Variants in AKAP12 observed in about 807,000 individuals in gnomAD.
The protein encoded by AKAP12 is A-kinase anchoring protein 12.
AKAP12 carries 32 observed loss-of-function variants against 79.9 expected under a neutral mutation model. The ratio of observed to expected loss-of-function variants is 0.40; its 90% CI spans 0.30 to 0.54. The LOEUF (loss-of-function observed/expected upper bound fraction) is 0.54, where lower values mean the gene tolerates loss of function less well. AKAP12 is among the 20% of genes least tolerant of loss of function. AKAP12 has a pLI of 0.48. For missense variants in AKAP12, 2,074 were observed against 2,177.0 expected (o/e 0.95, Z 0.94); for synonymous variants, 808 against 857.0 (o/e 0.94, Z 1.00).
chr6:151,268,011 C>G (rs1328054403), intron 2 of AKAP12, among the ~76,000 whole-genome samples: 1 of 152,192 alleles, frequency 6.6e-6, no homozygotes, highest in Non-Finnish European at 1.5e-5. Context: ...TGAGTGTCAC[C>G]TTCCTACCTG....
chr6:151,304,419 C>A (rs9371211), intron 2 of AKAP12, among the ~76,000 whole-genome samples: 3 of 137,822 alleles, frequency 2.2e-5, no homozygotes, highest in Non-Finnish European at 4.6e-5. Context: ...AACCTGGGAA[C>A]TGGAGGTTGC....
chr6:151,337,305 G>C (rs986360951), intron 3 of AKAP12, among the ~76,000 whole-genome samples: 2 of 151,432 alleles, frequency 1.3e-5, no homozygotes, highest in African/African-American at 4.9e-5. Context: ...AGGAGTTCGA[G>C]ACCAGTCTCT....
At chr6:151,335,659 C>T (rs891759980) in intron 3 of AKAP12, among the ~76,000 whole-genome samples, 7 of 152,004 alleles carry the variant, frequency 4.6e-5, no homozygotes, top group African/African-American at 1.2e-4. Flanking sequence ...TTAGTAGAGA[C>T]GGGGTTTGAC....
Position 151,349,826 on chromosome 6 carries a change from G to A in AKAP12, c.1435G>A (p.Gly479Arg). Residue 479 changes from glycine (G) to arginine (R), a missense_variant, in exon 4 of 5, where the codon GGA becomes AGA. Transcript: ENST00000402676. Reference sequence around the variant, plus strand: ...TGTTTCCGGAGAGGACCCTACACAGGGAGCTGACCTCAGTCCTGATGAGAA... The same window carrying A: ...TGTTTCCGGAGAGGACCCTACACAGAGAGCTGACCTCAGTCCTGATGAGAA... Reference protein sequence around the residue: ...TCVSGEDPTQGADLSPDEKVL... With the variant: ...TCVSGEDPTQRADLSPDEKVL... The A allele has an allele frequency of 6.2e-7, 1 of 1,614,150 alleles. No homozygotes were observed. The highest frequency in any genetic ancestry group is 8.5e-7 in the Non-Finnish European group (1 of 1,180,028).
intron 3 of AKAP12, among the ~76,000 whole-genome samples, chr6:151,345,303 C>A (rs941077990): frequency 6.4e-4 from 96 of 151,158 alleles, no homozygotes; most frequent in African/African-American, 2.3e-3. Context: ...TCTCGATCTC[C>A]TGACCTTGTG....
At chr6:151,314,938 G>C (rs1777201929) in intron 3 of AKAP12, among the ~76,000 whole-genome samples, 1 of 151,900 alleles carries the variant, frequency 6.6e-6, no homozygotes, top group African/African-American at 2.4e-5. Flanking sequence ...TGTAGTCCCA[G>C]CTATTCGGGA....
intron 3 of AKAP12, among the ~76,000 whole-genome samples, chr6:151,309,651 G>A (rs180978199): frequency 6.6e-6 from 1 of 152,268 alleles, no homozygotes; most frequent in Admixed American, 6.5e-5. Flanking sequence ...AAACTCTACA[G>A]CAGGGTCTGA....
intron 2 of AKAP12, among the ~76,000 whole-genome samples, chr6:151,278,303 C>T (rs1196493066): frequency 6.6e-6 from 1 of 152,130 alleles, no homozygotes; most frequent in Admixed American, 6.5e-5. Context: ...GCAGGCTTCG[C>T]CTCCTGGGTT....
rs190789138 is a variant in AKAP12 at position 151,265,108 on chromosome 6, G to A, written c.162+24384G>A. Among the ~76,000 whole-genome samples the A allele has an allele frequency of 3.6e-3, 546 of 150,082 alleles. 1 individual carries two copies. Among genetic ancestry groups the A allele is most frequent in the Non-Finnish European group, 4.6e-3 (314 of 67,824 alleles). On this transcript the variant is annotated intron_variant, in intron 2 of 4. Transcript: ENST00000402676. ...GGAGGTTGCAGTGAGCCAAGATCAC[G>A]CCATTGCACTCCAGCCTGGGCAACA...
intron 2 of AKAP12, among the ~76,000 whole-genome samples, chr6:151,256,763 C>A (rs551013037): frequency 2.0e-5 from 3 of 151,980 alleles, no homozygotes; most frequent in African/African-American, 7.2e-5. Flanking sequence ...GATTCTCCTG[C>A]CTCATCCTTT....
At chr6:151,253,333 C>T (rs900860472) in intron 2 of AKAP12, among the ~76,000 whole-genome samples, 1 of 152,000 alleles carries the variant, frequency 6.6e-6, no homozygotes, top group East Asian at 1.9e-4. Flanking sequence ...TAGAAACTTT[C>T]GTTTGAAATT....
At chr6:151,280,240 C>T (rs1283489200) in intron 2 of AKAP12, among the ~76,000 whole-genome samples, 1 of 151,864 alleles carries the variant, frequency 6.6e-6, no homozygotes, top group Non-Finnish European at 1.5e-5. Context: ...TTCTGATGAT[C>T]TCCTATTACA....
intron 2 of AKAP12, among the ~76,000 whole-genome samples, chr6:151,303,044 T>G (rs1203693376): frequency 6.6e-6 from 1 of 151,858 alleles, no homozygotes; most frequent in African/African-American, 2.4e-5. Flanking sequence ...AATACAAAAA[T>G]TAGCTGGGCG....
chr6:151,312,588 C>G (rs1021214154), intron 3 of AKAP12, among the ~76,000 whole-genome samples: 4 of 151,992 alleles, frequency 2.6e-5, no homozygotes, highest in East Asian at 1.9e-4. Context: ...TCAGGAGATC[C>G]AGACCATCCA....
At chr6:151,305,978 T>G in intron 3 of AKAP12, 75 bp downstream of exon 3, 1 of 1,450,324 alleles carries the variant, frequency 6.9e-7, no homozygotes, top group South Asian at 1.3e-5. Context: ...AAATACTCTG[T>G]CATACTGCCT....
chr6:151,251,112 G>T (rs1797165319), intron 2 of AKAP12, among the ~76,000 whole-genome samples: 1 of 152,156 alleles, frequency 6.6e-6, no homozygotes, highest in African/African-American at 2.4e-5. Context: ...GAATTTTTGG[G>T]AAAGTGTTCT....
chr6:151,282,429 A>T (rs1776428251), intron 2 of AKAP12, among the ~76,000 whole-genome samples: 1 of 151,906 alleles, frequency 6.6e-6, no homozygotes, highest in South Asian at 2.1e-4. Flanking sequence ...ATCTTAAGGG[A>T]CCTCCAGCTC....
At chr6:151,260,409 C>G (rs1257463242) in intron 2 of AKAP12, among the ~76,000 whole-genome samples, 1 of 152,182 alleles carries the variant, frequency 6.6e-6, no homozygotes, top group South Asian at 2.1e-4. Context: ...TGACAGGGGC[C>G]TTGGCTATGC....
chr6:151,352,983 A>C lies in AKAP12; in HGVS notation c.4592A>C (p.Glu1531Ala). The change falls in exon 4 of 5, where the codon GAG becomes GCG. Residue 1531 changes from glutamate to alanine, a missense_variant. Coordinates refer to ENST00000402676, the MANE Select transcript of AKAP12 (RefSeq NM_005100.4). ...CQEVKVSVAI[E>A]DLEPENGILE... ...GAGGTCAAAGTGAGTGTAGCAATTG[A>C]GGATTTAGAGCCTGAAAATGGGATT... The C allele has an allele frequency of 6.2e-7, 1 of 1,613,574 alleles. No homozygotes were observed. Among genetic ancestry groups the C allele is most frequent in the Non-Finnish European group, 8.5e-7 (1 of 1,179,912 alleles).
Sources: gnomAD v4.1 joint callset for allele counts (sites outside exome capture counted in the v4.1 genomes callset) on GRCh38, gnomAD v4.1.1 for gene constraint, MANE v1.5 for transcripts, NCBI Gene and HGNC (gene_info 2026-07-23, HGNC 2026-07-21) for gene names.